Variants in EYS observed in about 807,000 individuals in gnomAD.
EYS encodes the protein EGF-like photoreceptor maintenance factor, also known as protein eyes shut homolog.
EYS carries 250 observed loss-of-function variants against 282.1 expected under a neutral mutation model. The ratio of observed to expected loss-of-function variants is 0.89; its 90% confidence interval spans 0.80 to 0.98. EYS has a LOEUF of 0.98. Ranked by LOEUF, EYS falls within the 50% of genes least tolerant of loss-of-function variation. The pLI, the probability that EYS is intolerant of heterozygous loss-of-function variation, is 0.00. For missense variants in EYS, 4,016 were observed against 3,709.0 expected (o/e 1.08, Z -2.15); for synonymous variants, 1,355 against 1,282.9 (o/e 1.06, Z -1.20).
intron 5 of EYS, among the ~76,000 whole-genome samples, chr6:65,480,890 T>C (rs980853000): frequency 5.9e-5 from 9 of 152,258 alleles, no homozygotes; most frequent in African/African-American, 2.2e-4. Flanking sequence ...CTCACTCATA[T>C]GGGAGAACTA....
chr6:63,952,767 T>C (rs892718264), intron 35 of EYS, among the ~76,000 whole-genome samples: 6 of 149,640 alleles, frequency 4.0e-5, no homozygotes, highest in Admixed American at 3.3e-4. Context: ...CCCACCTTAA[T>C]CCCACAAGTA....
At chr6:65,568,167 G>A (rs538662751) in intron 2 of EYS, among the ~76,000 whole-genome samples, 1 of 152,182 alleles carries the variant, frequency 6.6e-6, no homozygotes, top group African/African-American at 2.4e-5. Context: ...CTATTTACAA[G>A]TTAATCTGTG....
chr6:64,676,558 C>A (rs910974187), intron 22 of EYS, among the ~76,000 whole-genome samples: 8 of 152,000 alleles, frequency 5.3e-5, no homozygotes, highest in African/African-American at 1.9e-4. Flanking sequence ...AGTAAACCTA[C>A]AACCAAAATT....
At chr6:65,030,299 G>T (rs555700459) in intron 13 of EYS, among the ~76,000 whole-genome samples, 1 of 152,056 alleles carries the variant, frequency 6.6e-6, no homozygotes. Context: ...CTTCCTGGTG[G>T]CCATTGCCAT....
intron 28 of EYS, among the ~76,000 whole-genome samples, chr6:64,417,128 T>G (rs888903941): frequency 6.6e-6 from 1 of 152,208 alleles, no homozygotes; most frequent in Non-Finnish European, 1.5e-5. Context: ...TAATTAGAGC[T>G]TTTATACATT....
chr6:65,364,672 C>T (rs1425723509), intron 8 of EYS, among the ~76,000 whole-genome samples: 1 of 151,446 alleles, frequency 6.6e-6, no homozygotes, highest in Non-Finnish European at 1.5e-5. Context: ...ACAATGTTCT[C>T]TCCTGGGTTA....
rs559166246 is a variant in EYS at position 65,102,311 on chromosome 6, T to C, written c.2024-44584A>G. 8.6e-5 allele frequency among the ~76,000 whole-genome samples: 13 copies of C among 151,532 alleles called. No homozygotes were observed. The South Asian group carries it at 1.7e-3, about 19-fold the overall frequency. On this transcript the variant is annotated intron_variant, in intron 12 of 42. Coordinates refer to ENST00000503581, the MANE Select transcript of EYS (RefSeq NM_001142800.2). ...ATATTAATTTATATCTCCTGAAGCA[T>C]ATCACTCATTTTTAACACAGCATTA...
chr6:65,049,608 A>G (rs140946989), intron 13 of EYS, among the ~76,000 whole-genome samples: 1 of 151,778 alleles, frequency 6.6e-6, no homozygotes, highest in Non-Finnish European at 1.5e-5. Context: ...GAAGAAAGGT[A>G]CCCATTTAGA....
At chr6:64,061,178 C>T (rs973690283) in intron 33 of EYS, among the ~76,000 whole-genome samples, 5 of 152,062 alleles carry the variant, frequency 3.3e-5, no homozygotes, top group Admixed American at 2.6e-4. Context: ...GCAGATAACA[C>T]AGTAAATCAC....
chr6:64,980,979 C>G (rs867513541), intron 14 of EYS, among the ~76,000 whole-genome samples: 17 of 151,426 alleles, frequency 1.1e-4, no homozygotes, highest in Middle Eastern at 3.4e-3. Context: ...AACAAAATAA[C>G]AAAACTGAGG....
chr6:65,617,070 A>AT (rs1177518616), intron 2 of EYS, among the ~76,000 whole-genome samples: 1 of 152,144 alleles, frequency 6.6e-6, no homozygotes, highest in African/African-American at 2.4e-5. Flanking sequence ...AGGGAGAAAT[A>AT]TTTTTTATAC....
chr6:64,147,607 G>A (rs1272993609), intron 31 of EYS, among the ~76,000 whole-genome samples: 2 of 152,182 alleles, frequency 1.3e-5, no homozygotes, highest in Non-Finnish European at 2.9e-5. Context: ...TAATTCTAAA[G>A]TTTACCAACA....
rs575927827 is a variant in EYS at position 64,359,666 on chromosome 6, G to C, written c.6078+29024C>G. On this transcript the variant is annotated intron_variant, in intron 29 of 42. Coordinates refer to ENST00000503581, the MANE Select transcript of EYS (RefSeq NM_001142800.2). ...TGCCAGTGAATTCGGTTTCTGGTAAGAATTCTCTTCCTGGCTTGCAGATGG... is the reference window on the plus strand; with the variant it reads ...TGCCAGTGAATTCGGTTTCTGGTAACAATTCTCTTCCTGGCTTGCAGATGG... Among the ~76,000 whole-genome samples, 6 of 151,778 alleles carry C rather than the reference G, an allele frequency of 4.0e-5. No individual in the cohort carries two copies. The South Asian group carries it at 6.2e-4, about 16-fold the overall frequency.
In EYS at chr6:63,727,733, A is replaced by AG. The variant is rs1430421127; in HGVS notation, c.8072-1054_8072-1053insC. Among the ~76,000 whole-genome samples, 517 of 56,102 alleles carry AG rather than the reference A, an allele frequency of 9.2e-3. 5 individuals are homozygous for AG. Among genetic ancestry groups the AG allele is most frequent in the Non-Finnish European group, 0.014 (457 of 32,934 alleles). 36.8% of individuals were successfully genotyped at this position (56,102 alleles called of 152,430 possible). ...AAAAAAAAAAAAAAAAAAAAAAAAA[A>AG]AAAAATATATATATATATGTTAGCT... On this transcript the variant is annotated intron_variant, in intron 41 of 42. Transcript: ENST00000503581.
chr6:65,142,643 T>C (rs771571355), intron 12 of EYS, among the ~76,000 whole-genome samples: 5 of 151,384 alleles, frequency 3.3e-5, no homozygotes, highest in Non-Finnish European at 5.9e-5. Context: ...TGTTACTCTA[T>C]AGTTATTCCA....
intron 28 of EYS, among the ~76,000 whole-genome samples, chr6:64,405,668 T>C (rs1005337518): frequency 1.3e-5 from 2 of 152,070 alleles, no homozygotes; most frequent in African/African-American, 4.8e-5. Context: ...ATCACAAGCA[T>C]TCCTATACAC....
At chr6:65,235,775 C>T (rs921419046) in intron 12 of EYS, among the ~76,000 whole-genome samples, 1 of 151,858 alleles carries the variant, frequency 6.6e-6, no homozygotes, top group African/African-American at 2.4e-5. Context: ...AAAATATATA[C>T]ATTGTAGTAC....
intron 15 of EYS, among the ~76,000 whole-genome samples, chr6:64,913,526 G>A (rs2150077367): frequency 6.6e-6 from 1 of 152,156 alleles, no homozygotes; most frequent in South Asian, 2.1e-4. Context: ...TTCTGTTTCT[G>A]CATTAATTCA....
chr6:65,416,967 C>T (rs1339945805), intron 5 of EYS, among the ~76,000 whole-genome samples: 1 of 151,932 alleles, frequency 6.6e-6, no homozygotes, highest in Non-Finnish European at 1.5e-5. Context: ...TGTTTGATTA[C>T]ATTTTTAAGA....
Sources: allele counts gnomAD v4.1 joint callset (sites outside exome capture counted in the v4.1 genomes callset), GRCh38; gene constraint gnomAD v4.1.1; transcripts MANE v1.5; gene names NCBI Gene and HGNC (gene_info 2026-07-23, HGNC 2026-07-21).